PCDHGB2: variants seen among roughly 807,000 people sequenced by gnomAD.
PCDHGB2 encodes protocadherin gamma-B2.
A neutral mutation model predicts 59.3 loss-of-function variants in PCDHGB2; 55 were observed. That is an observed-to-expected ratio of 0.93 (90% CI 0.75 to 1.16). The LOEUF (loss-of-function observed/expected upper bound fraction) is 1.16. PCDHGB2 is among the 50% of genes most tolerant of loss of function. The probability of loss-of-function intolerance (pLI) is 0.00; values close to 1 mark genes in which losing one functional copy is unlikely to be tolerated. For synonymous variants in PCDHGB2, 516 were observed against 512.0 expected (o/e 1.01, Z -0.11); for missense variants, 1,228 against 1,198.5 (o/e 1.02, Z -0.36).
chr5:141,371,128 A>G (rs1767509392), intron 1 of PCDHGB2: 1 of 1,614,008 alleles, frequency 6.2e-7, no homozygotes, highest in Non-Finnish European at 8.5e-7. Context: ...TTTACTCAGG[A>G]CATGTACAGG....
intron 1 of PCDHGB2, chr5:141,418,233 ATGT>A: frequency 6.2e-7 from 1 of 1,614,048 alleles, no homozygotes; most frequent in Admixed American, 1.7e-5. Context: ...GTGATTGAGG[ATGT>A]TAATGACCAC....
Position 141,417,921 on chromosome 5 carries a change from T to G in PCDHGB2, c.2421+55365T>G, listed in dbSNP as rs771406905. 7.5e-6 allele frequency: 12 copies of G among 1,607,746 alleles called. No homozygotes were observed. The Admixed American group carries it at 1.7e-4, about 23-fold the overall frequency. On this transcript the variant is annotated intron_variant, in intron 1 of 3. Transcript: ENST00000522605. ...CCGCGGCAGGTACTATTTCCTTTGC[T>G]GCTGCCTTTGTTCTACCCCACGCTG...
In PCDHGB2 at chr5:141,431,320, C is replaced by A. The variant is rs993831541; in HGVS notation, c.2422-63487C>A. ...CCCTCATCGTGCAAAATGGAGCCGA[C>A]GGTAGTAAGTACCCCGAATTGGTGC... On this transcript the variant is annotated intron_variant, in intron 1 of 3. Transcript: ENST00000522605. This position sits in a 1 kb window ranked among gnomAD's most constrained non-coding sequence, Gnocchi z 4.8. 1 of 1,614,102 alleles carries A rather than the reference C, an allele frequency of 6.2e-7. No individual in the cohort carries two copies. The highest frequency in any genetic ancestry group is 1.7e-5 in the Admixed American group (1 of 60,032).
At chr5:141,363,263 C>T (rs933065042) in intron 1 of PCDHGB2, among the ~76,000 whole-genome samples, 3 of 152,278 alleles carry the variant, frequency 2.0e-5, no homozygotes, top group South Asian at 2.1e-4. Context: ...TTACTTAAAA[C>T]TTTGCTTTTG....
Position 141,486,390 on chromosome 5 carries a change from C to G in PCDHGB2, c.2422-8417C>G. 6.2e-7 allele frequency: 1 copy of G among 1,614,138 alleles called. No individual in the cohort carries two copies. The highest frequency in any genetic ancestry group is 8.5e-7 in the Non-Finnish European group (1 of 1,179,996). Reference sequence around the variant, plus strand: ...AAGTCTGCCTTCAGGAACCAGTTCTCCCTGGTGACTGCTGGACCCTTGGAT... The same window carrying G: ...AAGTCTGCCTTCAGGAACCAGTTCTGCCTGGTGACTGCTGGACCCTTGGAT... On this transcript the variant is annotated intron_variant, in intron 1 of 3. Coordinates refer to ENST00000522605, the MANE Select transcript of PCDHGB2 (RefSeq NM_018923.3). This position sits in a 1 kb window ranked among gnomAD's most constrained non-coding sequence, Gnocchi z 5.0.
chr5:141,388,060 A>G lies in PCDHGB2; in HGVS notation c.2421+25504A>G, dbSNP rs1429863107. 16 of 1,381,916 alleles carry G rather than the reference A, an allele frequency of 1.2e-5. No individual in the cohort carries two copies. The highest frequency in any genetic ancestry group is 2.5e-5 in the East Asian group (1 of 40,268). The allele number at this position is 1,381,916 out of a possible 1,614,324, so 85.6% of individuals were successfully genotyped here. Reference sequence around the variant, plus strand: ...GCCACGGACCTGGGGTTCAGCGTCCAGGAGTTACCGACTCGAAAACTGCGC... The same window carrying G: ...GCCACGGACCTGGGGTTCAGCGTCCGGGAGTTACCGACTCGAAAACTGCGC... On this transcript the variant is annotated intron_variant, in intron 1 of 3. Transcript: ENST00000522605.
At chr5:141,430,873 G>T in intron 1 of PCDHGB2, 5 of 1,598,960 alleles carry the variant, frequency 3.1e-6, no homozygotes, top group Non-Finnish European at 4.3e-6. Flanking sequence ...TTCCGGAAGA[G>T]CTGGAGAAAG....
At chr5:141,419,775 G>C in intron 1 of PCDHGB2, 1 of 1,614,016 alleles carries the variant, frequency 6.2e-7, no homozygotes, top group Non-Finnish European at 8.5e-7. Flanking sequence ...GACTCGGTCC[G>C]CCAGCGCCTG....
chr5:141,404,468 T>G, intron 1 of PCDHGB2: 2 of 1,613,514 alleles, frequency 1.2e-6, no homozygotes, highest in Non-Finnish European at 8.5e-7. Context: ...CACCTATGTC[T>G]CTATTAACTC....
rs753954982 is a variant in PCDHGB2 at position 141,478,158 on chromosome 5, C to A, written c.2422-16649C>A. 9 of 1,613,936 alleles carry A rather than the reference C, an allele frequency of 5.6e-6. No individual in the cohort carries two copies. In the African/African-American group the frequency reaches 1.2e-4, roughly 22 times the overall value. On this transcript the variant is annotated intron_variant, in intron 1 of 3. Transcript: ENST00000522605. ...GCCCGAGCCGAGTTCCCCTCTGGCT[C>A]TGCCCCCCGGGAGCAGAAAAAAAAT...
chr5:141,459,090 A>G (rs769066156), intron 1 of PCDHGB2, among the ~76,000 whole-genome samples: 4 of 152,218 alleles, frequency 2.6e-5, no homozygotes, highest in Non-Finnish European at 4.4e-5. Flanking sequence ...TTAAAATTAT[A>G]CAGTGCAATG....
chr5:141,487,429 C>A lies in PCDHGB2; in HGVS notation c.2422-7378C>A. 1 of 1,614,162 alleles carries A rather than the reference C, an allele frequency of 6.2e-7. No individual in the cohort carries two copies. Among genetic ancestry groups the A allele is most frequent in the Non-Finnish European group, 8.5e-7 (1 of 1,180,018 alleles). On this transcript the variant is annotated intron_variant, in intron 1 of 3. Transcript: ENST00000522605. The surrounding 1 kb of genome is among the most constrained non-coding windows in gnomAD (Gnocchi z 5.0). ...CCCCTTCCAATGGGATCCTCCGAAT[C>A]CAGCTAGGGTCAGATGACCCTATCA...
chr5:141,478,364 G>A (rs1382073187), intron 1 of PCDHGB2: 2 of 1,613,660 alleles, frequency 1.2e-6, no homozygotes, highest in African/African-American at 2.7e-5. Flanking sequence ...CGTGCGGGGA[G>A]GCCTGATGTC....
intron 1 of PCDHGB2, chr5:141,427,778 A>T: frequency 1.4e-6 from 2 of 1,436,676 alleles, no homozygotes; most frequent in Non-Finnish European, 1.9e-6. Context: ...AGCTGCGGGC[A>T]CTGTCGTCCT....
chr5:141,454,575 T>G (rs1430018751), intron 1 of PCDHGB2, among the ~76,000 whole-genome samples: 1 of 151,400 alleles, frequency 6.6e-6, no homozygotes, highest in African/African-American at 2.4e-5. Context: ...CCCGGCTAAT[T>G]TTGTATTTTT....
intron 1 of PCDHGB2, chr5:141,371,995 C>G: frequency 1.2e-6 from 2 of 1,613,264 alleles, no homozygotes; most frequent in Non-Finnish European, 1.7e-6. Context: ...ACTCTGCAGG[C>G]CCGCGACCAG....
chr5:141,444,093 G>A (rs531514787), intron 1 of PCDHGB2, among the ~76,000 whole-genome samples: 1 of 147,730 alleles, frequency 6.8e-6, no homozygotes, highest in East Asian at 2.0e-4. Flanking sequence ...GTCTGCTAAG[G>A]ATTGGAAACC....
Position 141,477,932 on chromosome 5 carries a change from C to T in PCDHGB2, c.2422-16875C>T. 1 of 1,614,158 alleles carries T rather than the reference C, an allele frequency of 6.2e-7. No homozygotes were observed. The highest frequency in any genetic ancestry group is 8.5e-7 in the Non-Finnish European group (1 of 1,180,034). ...CGCGGATGCAGGGCACAATGCCTGGCTCTCCTACAGTCTCTTGGGATCCCC... is the reference window on the plus strand; with the variant it reads ...CGCGGATGCAGGGCACAATGCCTGGTTCTCCTACAGTCTCTTGGGATCCCC... On this transcript the variant is annotated intron_variant, in intron 1 of 3. Coordinates refer to ENST00000522605, the MANE Select transcript of PCDHGB2 (RefSeq NM_018923.3). This position sits in a 1 kb window ranked among gnomAD's most constrained non-coding sequence, Gnocchi z 4.9.
rs532830928 is a variant in PCDHGB2 at position 141,473,487 on chromosome 5, A to G, written c.2422-21320A>G. Reference sequence around the variant, plus strand: ...TTGTGCCAAGTTCAATGGAAAAAATATAAGGTGTTCTGAGAGAGCATAACA... The same window carrying G: ...TTGTGCCAAGTTCAATGGAAAAAATGTAAGGTGTTCTGAGAGAGCATAACA... On this transcript the variant is annotated intron_variant, in intron 1 of 3. Coordinates refer to ENST00000522605, the MANE Select transcript of PCDHGB2 (RefSeq NM_018923.3). 2.0e-3 allele frequency among the ~76,000 whole-genome samples: 310 copies of G among 152,242 alleles called. 5 individuals carry two copies. The South Asian group carries it at 0.052, about 25-fold the overall frequency.
Sources: allele counts gnomAD v4.1 joint callset (sites outside exome capture counted in the v4.1 genomes callset), GRCh38; gene constraint gnomAD v4.1.1; non-coding constraint Gnocchi (gnomAD v3.1); transcripts MANE v1.5; gene names NCBI Gene and HGNC (gene_info 2026-07-23, HGNC 2026-07-21).